The following PPP1R36 variants were observed in gnomAD, a reference collection of about 807,000 sequenced individuals.
The protein encoded by PPP1R36 is chromosome 14 open reading frame 50.
PPP1R36 carries 47 observed loss-of-function variants against 53.4 expected under a neutral mutation model. The ratio of observed to expected loss-of-function variants is 0.88; its 90% confidence interval spans 0.70 to 1.12. The LOEUF is 1.12. Ranked by LOEUF, PPP1R36 falls within the 50% of genes most tolerant of loss-of-function variation. PPP1R36 has a pLI of 0.00. For missense variants in PPP1R36, 456 were observed against 513.9 expected, an observed-to-expected ratio of 0.89 and a Z score of 1.09; for synonymous variants, 153 against 170.5, an observed-to-expected ratio of 0.90 and a Z score of 0.80.
chr14:64,550,878 T>A, intron 1 of PPP1R36, 43 bp from the exon 2 acceptor site: 1 of 1,442,958 alleles, frequency 6.9e-7, no homozygotes, highest in Non-Finnish European at 9.6e-7. Context: ...GGATTGTAAA[T>A]TGAGCTTTTA....
At chr14:64,574,777 G>A (rs1214311074) in intron 8 of PPP1R36, among the ~76,000 whole-genome samples, 188 bp downstream of exon 8, 1 of 152,234 alleles carries the variant, frequency 6.6e-6, no homozygotes, top group Non-Finnish European at 1.5e-5. Flanking sequence ...AGTGCATGTG[G>A]AAGAAATCTC....
chr14:64,586,747 A>G, intron 8 of PPP1R36, 90 bp from the exon 9 acceptor site: 1 of 840,796 alleles, frequency 1.2e-6, no homozygotes, highest in Non-Finnish European at 1.9e-6. Flanking sequence ...GGCCAAGATA[A>G]TGACCCTAAC....
chr14:64,557,539 T>C (rs986257458), intron 3 of PPP1R36, among the ~76,000 whole-genome samples: 1 of 152,230 alleles, frequency 6.6e-6, no homozygotes, highest in Non-Finnish European at 1.5e-5. Flanking sequence ...GGTATTCAAA[T>C]GTCCCCTGTT....
intron 3 of PPP1R36, among the ~76,000 whole-genome samples, chr14:64,560,161 C>T (rs963013766): frequency 5.6e-5 from 8 of 143,486 alleles, no homozygotes; most frequent in Admixed American, 2.8e-4. Flanking sequence ...AGTGGCTGGG[C>T]CAGGCACAGT....
chr14:64,551,823 A>G, intron 2 of PPP1R36: 1 of 339,696 alleles, frequency 2.9e-6, no homozygotes. Flanking sequence ...AGGTCTCTGG[A>G]GCCAGCTACA....
At chr14:64,568,244 TCTA>T (rs143239918) in intron 6 of PPP1R36, 102 bp from the exon 7 acceptor site, 4,460 of 439,644 alleles carry the variant, frequency 0.01, 165 homozygotes, top group African/African-American at 0.081. Context: ...AACATAGTTT[TCTA>T]CTTATTCTTG....
intron 8 of PPP1R36, among the ~76,000 whole-genome samples, chr14:64,577,331 C>T (rs2080350440): frequency 6.6e-6 from 1 of 152,210 alleles, no homozygotes; most frequent in Admixed American, 6.5e-5. Flanking sequence ...ACATTCAGCT[C>T]ATTGCACCAT....
At chr14:64,565,270 T>A in intron 4 of PPP1R36, 87 bp from the exon 5 acceptor site, 1 of 853,314 alleles carries the variant, frequency 1.2e-6, no homozygotes, top group Non-Finnish European at 1.8e-6. Flanking sequence ...TATTACTTTT[T>A]AATAAATGCT....
At position 64,550,976 on chromosome 14, in the gene PPP1R36, A is replaced by C. The variant is rs1159522560; in HGVS notation, c.125A>C (p.Glu42Ala). The change falls in exon 2 of 12, where the codon GAA (glutamate) becomes GCA (alanine). Residue 42 changes from glutamate to alanine, a missense_variant. Glu to Ala is a moderately radical substitution (Grantham distance 107). Coordinates refer to ENST00000298705, the MANE Select transcript of PPP1R36 (RefSeq NM_172365.3). ...TGGAAAGATGAAACCAGAACTCTTGAATTCAGAAGGTAAAATTTAACAACA... is the reference window on the plus strand; with the variant it reads ...TGGAAAGATGAAACCAGAACTCTTGCATTCAGAAGGTAAAATTTAACAACA... ...WYWKDETRTL[E>A]FRRFAAEDSV... 1 of 1,603,100 alleles carries C rather than the reference A, an allele frequency of 6.2e-7. No individual in the cohort carries two copies. Among genetic ancestry groups the C allele is most frequent in the South Asian group, 1.1e-5 (1 of 89,690 alleles).
intron 8 of PPP1R36, among the ~76,000 whole-genome samples, chr14:64,581,530 A>G (rs1048113014): frequency 2.1e-5 from 3 of 146,338 alleles, no homozygotes; most frequent in African/African-American, 7.6e-5. Flanking sequence ...AGCTACTGTT[A>G]TCTTCTTATC....
chr14:64,554,056 T>C (rs531093943), intron 3 of PPP1R36, among the ~76,000 whole-genome samples: 29 of 151,726 alleles, frequency 1.9e-4, no homozygotes, highest in African/African-American at 7.0e-4. Flanking sequence ...GACCCTTGTA[T>C]ATTTTAGGTC....
chr14:64,551,911 T>C (rs1596720279), intron 2 of PPP1R36, among the ~76,000 whole-genome samples: 1 of 152,306 alleles, frequency 6.6e-6, no homozygotes, highest in East Asian at 1.9e-4. Context: ...AGAGGAAGAA[T>C]AGATGCAGGT....
chr14:64,550,247 T>C lies in PPP1R36; in HGVS notation c.69+181T>C, dbSNP rs1222282243. 2.9e-6 allele frequency: 4 copies of C among 1,391,086 alleles called. No homozygotes were observed. The Admixed American group carries it at 9.2e-5, about 32-fold the overall frequency. The allele number at this position is 1,391,086 out of a possible 1,614,324, so 86.2% of individuals were successfully genotyped here. ...AGAAAAAAAAAAAACTCTGGTGTATTTGACAGATGGTCAGAATTGAATTCT... is the reference window on the plus strand; with the variant it reads ...AGAAAAAAAAAAAACTCTGGTGTATCTGACAGATGGTCAGAATTGAATTCT... On this transcript the variant is annotated intron_variant, in intron 1 of 11. Coordinates refer to ENST00000298705, the MANE Select transcript of PPP1R36 (RefSeq NM_172365.3).
At position 64,564,841 on chromosome 14, in the gene PPP1R36, G is replaced by C. The variant is rs767151259; in HGVS notation, c.269+4G>C. ...CTGATGGTCCAGCTTCAGACAGGTA[G>C]ATTAACTTCCCAATCATGCCAGAGT... is the stretch of plus-strand genomic sequence containing the variant. On this transcript the variant is annotated splice_donor_region_variant and intron_variant, in intron 4 of 11. Coordinates refer to ENST00000298705, the MANE Select transcript of PPP1R36 (RefSeq NM_172365.3). The C allele has an allele frequency of 1.9e-6, 3 of 1,593,084 alleles. No homozygotes were observed. The highest frequency in any genetic ancestry group is 4.6e-5 in the East Asian group (2 of 43,638).
chr14:64,556,407 A>G (rs920557617), intron 3 of PPP1R36, among the ~76,000 whole-genome samples: 1 of 151,946 alleles, frequency 6.6e-6, no homozygotes, highest in Non-Finnish European at 1.5e-5. Flanking sequence ...CCTGCCTTGC[A>G]GGTTTGATTT....
Position 64,553,090 on chromosome 14 carries a change from G to A in PPP1R36, c.182+229G>A, listed in dbSNP as rs545536426. ...AGGCTTAGGTGATTCTCCCATCTCA[G>A]CCTAGTACTCACACCACCATGCCCA... On this transcript the variant is annotated intron_variant, in intron 3 of 11. Transcript: ENST00000298705. Among the ~76,000 whole-genome samples, 86 of 151,964 alleles carry A rather than the reference G, an allele frequency of 5.7e-4. No individual in the cohort carries two copies. In the Middle Eastern group the frequency reaches 0.017, roughly 30 times the overall value.
chr14:64,574,581 CT>C lies in PPP1R36; in HGVS notation c.661del (p.Cys221ValfsTer36), dbSNP rs766693964. 1.9e-5 allele frequency: 31 copies of C among 1,611,606 alleles called. No homozygotes were observed. The African/African-American group carries it at 3.6e-4, about 19-fold the overall frequency. On this transcript the variant is annotated frameshift_variant, in exon 8 of 12. Coordinates refer to ENST00000298705, the MANE Select transcript of PPP1R36 (RefSeq NM_172365.3). LOFTEE classifies it high-confidence loss of function. ...LAVPDKHHMC[C>X]GKEKISDTQK... ...CCGTGCCGGATAAGCATCACATGTG[CT>C]GTGGAAAGTAAGCAGATACTTACAC... is the stretch of plus-strand genomic sequence containing the variant.
chr14:64,589,078 A>T, intron 11 of PPP1R36, 74 bp from the exon 12 acceptor site: 1 of 1,102,188 alleles, frequency 9.1e-7, no homozygotes, highest in Non-Finnish European at 1.3e-6. Flanking sequence ...ACACACAACC[A>T]CAATCACAGT....
chr14:64,576,927 GT>G lies in PPP1R36; in HGVS notation c.668+2340del, dbSNP rs2080346108. Among the ~76,000 whole-genome samples, 12 of 152,342 alleles carry G rather than the reference GT, an allele frequency of 7.9e-5. No individual in the cohort carries two copies. The South Asian group carries it at 2.5e-3, about 32-fold the overall frequency. On this transcript the variant is annotated intron_variant, in intron 8 of 11. Coordinates refer to ENST00000298705, the MANE Select transcript of PPP1R36 (RefSeq NM_172365.3). Reference sequence around the variant, plus strand: ...GCGTAACTGAGCAGTGGCCCCAGCTGTTGCACCTGAATCCACCACCAGGTCT... The same window carrying G: ...GCGTAACTGAGCAGTGGCCCCAGCTGTGCACCTGAATCCACCACCAGGTCT...
Sources: allele counts gnomAD v4.1 joint callset (sites outside exome capture counted in the v4.1 genomes callset), GRCh38; gene constraint gnomAD v4.1.1; transcripts MANE v1.5; gene names NCBI Gene and HGNC (gene_info 2026-07-23, HGNC 2026-07-21).